The following PHACTR1 variants were observed in gnomAD, a reference collection of about 807,000 sequenced individuals.
PHACTR1 encodes phosphatase and actin regulator 1, also known as RPEL repeat containing 1.
PHACTR1 carries 16 observed loss-of-function variants against 69.2 expected under a neutral mutation model. That is an observed-to-expected ratio of 0.23 (90% CI 0.16 to 0.35). The LOEUF (loss-of-function observed/expected upper bound fraction) is 0.35. Among genes scored for constraint, PHACTR1 ranks in the 10% least tolerant of loss-of-function variants. The probability of loss-of-function intolerance (pLI) is 1.00; values close to 1 mark genes in which losing one functional copy is unlikely to be tolerated. For synonymous variants in PHACTR1, 312 were observed against 284.5 expected (o/e 1.10, Z -0.97); for missense variants, 510 against 734.7 (o/e 0.69, Z 3.54).
intron 5 of PHACTR1, among the ~76,000 whole-genome samples, chr6:13,111,153 G>A (rs150412622): frequency 1.1e-3 from 167 of 152,230 alleles, no homozygotes; most frequent in African/African-American, 3.7e-3. Flanking sequence ...CTGTGTCAAA[G>A]GAAGGAGATA....
intron 5 of PHACTR1, among the ~76,000 whole-genome samples, chr6:13,154,982 G>T (rs561469010): frequency 6.6e-6 from 1 of 151,988 alleles, no homozygotes; most frequent in South Asian, 2.1e-4. Context: ...TGTTTTACGG[G>T]TCAGTCATAA....
intron 4 of PHACTR1, among the ~76,000 whole-genome samples, chr6:12,851,722 T>A (rs1315225901): frequency 1.3e-5 from 2 of 152,180 alleles, no homozygotes; most frequent in African/African-American, 4.8e-5. Flanking sequence ...CTTTAAAAAA[T>A]AAAAATCTTA....
intron 4 of PHACTR1, among the ~76,000 whole-genome samples, chr6:12,968,668 T>C (rs1277137710): frequency 6.6e-6 from 1 of 152,198 alleles, no homozygotes; most frequent in Non-Finnish European, 1.5e-5. Flanking sequence ...GAAAGGACTT[T>C]TGTTGTGTGG....
At chr6:13,091,188 G>A (rs1471557244) in intron 5 of PHACTR1, among the ~76,000 whole-genome samples, 1 of 151,832 alleles carries the variant, frequency 6.6e-6, no homozygotes, top group Non-Finnish European at 1.5e-5. Context: ...TAGTAGAGAC[G>A]GGTTTTCACC....
chr6:13,182,103 C>T (rs759634878), intron 6 of PHACTR1, among the ~76,000 whole-genome samples: 10 of 151,834 alleles, frequency 6.6e-5, no homozygotes, highest in Non-Finnish European at 1.2e-4. Context: ...TGTGGTGGCA[C>T]GTGCCTGTAA....
At chr6:12,753,258 G>A (rs1766841526) in intron 4 of PHACTR1, among the ~76,000 whole-genome samples, 1 of 152,178 alleles carries the variant, frequency 6.6e-6, no homozygotes, top group Non-Finnish European at 1.5e-5. Flanking sequence ...TCACTGCATT[G>A]CAGTCAGTGC....
intron 8 of PHACTR1, among the ~76,000 whole-genome samples, chr6:13,227,220 G>A (rs1243620025): frequency 6.6e-6 from 1 of 152,036 alleles, no homozygotes; most frequent in African/African-American, 2.4e-5. Flanking sequence ...TCATGCATGG[G>A]TCTCCAGCCT....
At chr6:12,749,623 C>G (rs989044223) in intron 3 of PHACTR1, 21 bp from the exon 4 acceptor site, 1 of 1,587,360 alleles carries the variant, frequency 6.3e-7, no homozygotes, top group Non-Finnish European at 8.6e-7. Flanking sequence ...CCCTCTCCCT[C>G]CGTCTCCTTC....
At chr6:13,258,778 T>C (rs1775531740) in intron 10 of PHACTR1, among the ~76,000 whole-genome samples, 1 of 152,220 alleles carries the variant, frequency 6.6e-6, no homozygotes, top group Non-Finnish European at 1.5e-5. Context: ...GTAGAGCTCT[T>C]TATTGGAAAG....
chr6:13,218,075 C>T (rs947231581), intron 8 of PHACTR1, among the ~76,000 whole-genome samples: 2 of 152,014 alleles, frequency 1.3e-5, no homozygotes, highest in African/African-American at 2.4e-5. Flanking sequence ...TAATGTCTTT[C>T]TTTTTTTTAA....
intron 11 of PHACTR1, among the ~76,000 whole-genome samples, chr6:13,277,320 T>A (rs957956574): frequency 2.6e-5 from 4 of 152,164 alleles, no homozygotes; most frequent in African/African-American, 9.7e-5. Context: ...TCTGAGCCAC[T>A]CCTAAAGAGT....
chr6:12,835,948 TA>T (rs1296645602), intron 4 of PHACTR1, among the ~76,000 whole-genome samples: 1 of 152,186 alleles, frequency 6.6e-6, no homozygotes, highest in Non-Finnish European at 1.5e-5. Flanking sequence ...CACAAAGTTT[TA>T]AATTTTTTTT....
At chr6:13,230,001 TG>T in intron 9 of PHACTR1, 35 bp from the exon 10 acceptor site, 7 of 1,565,800 alleles carry the variant, frequency 4.5e-6, no homozygotes, top group Non-Finnish European at 6.1e-6. Context: ...CAGGCAGATA[TG>T]TAAGCCTTAA....
intron 5 of PHACTR1, among the ~76,000 whole-genome samples, chr6:13,137,801 G>C (rs1434681094): frequency 6.6e-6 from 1 of 152,200 alleles, no homozygotes; most frequent in Non-Finnish European, 1.5e-5. Flanking sequence ...TATGTCTGTT[G>C]GGCTCACCTG....
At chr6:12,952,921 A>G (rs1791460451) in intron 4 of PHACTR1, among the ~76,000 whole-genome samples, 1 of 152,216 alleles carries the variant, frequency 6.6e-6, no homozygotes, top group Admixed American at 6.5e-5. Context: ...TATGGTAGAA[A>G]CTACTAGAGA....
At chr6:12,844,340 T>C (rs972952116) in intron 4 of PHACTR1, among the ~76,000 whole-genome samples, 3 of 152,064 alleles carry the variant, frequency 2.0e-5, no homozygotes, top group African/African-American at 7.2e-5. Flanking sequence ...GAGACTGCAA[T>C]GAGCTGTGAT....
intron 4 of PHACTR1, among the ~76,000 whole-genome samples, chr6:12,932,295 G>A (rs998678786): frequency 6.6e-6 from 1 of 152,088 alleles, no homozygotes; most frequent in African/African-American, 2.4e-5. Context: ...CCTAGTCTAG[G>A]AAGGAATTTG....
intron 10 of PHACTR1, among the ~76,000 whole-genome samples, chr6:13,241,999 C>G (rs1351189033): frequency 6.8e-6 from 1 of 147,912 alleles, no homozygotes; most frequent in Non-Finnish European, 1.5e-5. Context: ...CACCACTGCA[C>G]TCCTCCGGTC....
At chr6:12,753,121 A>G (rs1428233225) in intron 4 of PHACTR1, among the ~76,000 whole-genome samples, 1 of 152,256 alleles carries the variant, frequency 6.6e-6, no homozygotes, top group African/African-American at 2.4e-5. Context: ...TTAAAAGGAC[A>G]TCCTGGAACA....
Sources: allele counts gnomAD v4.1 joint callset (sites outside exome capture counted in the v4.1 genomes callset), GRCh38; gene constraint gnomAD v4.1.1; transcripts MANE v1.5; gene names NCBI Gene and HGNC (gene_info 2026-07-23, HGNC 2026-07-21).